CSF2RA: variants seen among roughly 807,000 people sequenced by gnomAD.
CSF2RA encodes colony stimulating factor 2 receptor subunit alpha, also known as granulocyte-macrophage colony-stimulating factor receptor subunit alpha.
A neutral mutation model predicts 51.6 loss-of-function variants in CSF2RA; 42 were observed. The ratio of observed to expected loss-of-function variants is 0.81; its 90% CI spans 0.64 to 1.05. The LOEUF is 1.05. Ranked by LOEUF, CSF2RA falls within the 50% of genes least tolerant of loss-of-function variation. The pLI, the probability that CSF2RA is intolerant of heterozygous loss-of-function variation, is 0.00. For synonymous variants in CSF2RA, 222 were observed against 193.0 expected (o/e 1.15, Z -1.24); for missense variants, 530 against 501.1 (o/e 1.06, Z -0.55).
intron 2 of CSF2RA, 85 bp downstream of exon 2, chrX:1,274,903 T>C (rs1217464638): frequency 8.9e-6 from 4 of 451,148 alleles, no homozygotes; most frequent in Non-Finnish European, 1.3e-5. Flanking sequence ...AATGTTTTGC[T>C]CCATAATGAT....
intron 2 of CSF2RA, among the ~76,000 whole-genome samples, chrX:1,278,718 T>C (rs1416050918): frequency 6.9e-6 from 1 of 145,460 alleles, no homozygotes; most frequent in African/African-American, 2.5e-5. Flanking sequence ...AGCAAGTTTA[T>C]TATGAAAGTA....
At chrX:1,314,254 GCCCAACCCCAC>G (rs2084324473), downstream of CSF2RA, among the ~76,000 whole-genome samples, 3 of 29,614 alleles carry the variant, frequency 1.0e-4, 1 homozygote, top group Admixed American at 1.1e-3. Context: ...CACTGCACCT[GCCCAACCCCAC>G]TGCGCCTGCC....
intron 9 of CSF2RA, among the ~76,000 whole-genome samples, chrX:1,299,286 C>G (rs1196021737): frequency 6.6e-6 from 1 of 152,102 alleles, no homozygotes; most frequent in Non-Finnish European, 1.5e-5. Context: ...GGGTATTTAC[C>G]AAGTCTCGCG....
intron 10 of CSF2RA, among the ~76,000 whole-genome samples, chrX:1,302,567 C>G (rs1413724846): frequency 6.6e-6 from 1 of 152,222 alleles, no homozygotes; most frequent in Admixed American, 6.6e-5. Context: ...TGCAATGGCA[C>G]GATCTCAGCT....
chrX:1,275,894 T>C (rs765948999), intron 2 of CSF2RA, among the ~76,000 whole-genome samples: 2 of 152,094 alleles, frequency 1.3e-5, no homozygotes, highest in East Asian at 3.9e-4. Context: ...GGTTTCACCA[T>C]GTTGGCCAGG....
At chrX:1,270,677 C>CAA (rs1161533598) in intron 1 of CSF2RA, among the ~76,000 whole-genome samples, 5 of 151,854 alleles carry the variant, frequency 3.3e-5, no homozygotes, top group Admixed American at 2.0e-4. Context: ...GTTCACATAT[C>CAA]TTGCGTCAGG....
intron 11 of CSF2RA, among the ~76,000 whole-genome samples, chrX:1,304,818 C>T (rs1251788278): frequency 2.0e-5 from 3 of 150,872 alleles, no homozygotes; most frequent in East Asian, 2.0e-4. Flanking sequence ...GCATGCACCA[C>T]GATGCTCACC....
chrX:1,287,490 C>A (rs2090869308), intron 4 of CSF2RA, among the ~76,000 whole-genome samples: 2 of 150,236 alleles, frequency 1.3e-5, no homozygotes, highest in South Asian at 4.2e-4. Flanking sequence ...GTCGCCCAGG[C>A]TGGAGTGCAC....
In CSF2RA at chrX:1,300,585, G is replaced by A. The variant is rs2092302153; in HGVS notation, c.905G>A (p.Arg302His). The A allele has an allele frequency of 4.3e-6, 7 of 1,613,894 alleles. No individual in the cohort carries two copies. The highest frequency in any genetic ancestry group is 2.2e-5 in the East Asian group (1 of 44,884). Reference protein sequence around the residue: ...HSVKIRAADVRILNWSSWSEA... With the variant: ...HSVKIRAADVHILNWSSWSEA... ...GTGAAGATCAGAGCTGCAGACGTCC[G>A]CATCTTGAATTGGAGCTCCTGGAGT... Residue 302 changes from arginine (R) to histidine (H), a missense_variant, in exon 10 of 13, where the codon CGC (arginine) becomes CAC (histidine). By Grantham distance (29) the Arg-to-His change is conservative. Coordinates refer to ENST00000381529, the MANE Select transcript of CSF2RA (RefSeq NM_172245.4).
rs778366446 is a variant in CSF2RA at position 1,305,649 on chromosome X, C to A, written c.1125+122C>A. 5 of 1,608,540 alleles carry A rather than the reference C, an allele frequency of 3.1e-6. No individual in the cohort carries two copies. The South Asian group carries it at 4.4e-5, about 14-fold the overall frequency. On this transcript the variant is annotated intron_variant, in intron 12 of 12. Transcript: ENST00000381529. The stretch of plus-strand genomic sequence containing the variant: ...CCAGATGGGACCGCAGCGTCACCAC[C>A]GGTGTGGCTGGAATCTGTATCCCAC...
At chrX:1,297,036 C>A (rs2092008573) in intron 9 of CSF2RA, among the ~76,000 whole-genome samples, 1 of 65,656 alleles carries the variant, frequency 1.5e-5, no homozygotes, top group Non-Finnish European at 2.9e-5. Context: ...CCTGGCGGAA[C>A]CCTACAGTCC....
At chrX:1,323,875 G>A in the CSF2RA span, among the ~76,000 whole-genome samples, 4 of 151,950 alleles carry the variant, frequency 2.6e-5, no homozygotes, top group African/African-American at 4.8e-5. Flanking sequence ...TTAGCCGGGC[G>A]TGGTGGTGGG....
At chrX:1,323,574 A>C in the CSF2RA span, among the ~76,000 whole-genome samples, 1 of 151,794 alleles carries the variant, frequency 6.6e-6, no homozygotes, top group African/African-American at 2.4e-5. Flanking sequence ...GCACCTCGAG[A>C]AGTGGGAAGA....
At chrX:1,303,203 A>T (rs1310651234) in intron 10 of CSF2RA, 1 of 280,908 alleles carries the variant, frequency 3.6e-6, no homozygotes, top group African/African-American at 2.3e-5. Context: ...GATTACAGAC[A>T]TGCATCATGC....
the CSF2RA span, among the ~76,000 whole-genome samples, chrX:1,324,203 C>G: frequency 1.4e-5 from 2 of 147,726 alleles, no homozygotes; most frequent in Non-Finnish European, 3.0e-5. Flanking sequence ...AAAACAAAAA[C>G]AAAACAGAGG....
intron 6 of CSF2RA, among the ~76,000 whole-genome samples, chrX:1,289,753 TTTTTG>T (rs2148400827): frequency 6.6e-6 from 1 of 151,812 alleles, no homozygotes; most frequent in East Asian, 1.9e-4. Flanking sequence ...TTTGTGTTTG[TTTTTG>T]TTTTGTGTTT....
the CSF2RA span, among the ~76,000 whole-genome samples, chrX:1,316,801 G>T: frequency 6.6e-6 from 1 of 152,232 alleles, no homozygotes; most frequent in African/African-American, 2.4e-5. Flanking sequence ...CTGTCTTCCT[G>T]TGTGGACACA....
chrX:1,282,780 G>GT lies in CSF2RA; in HGVS notation c.76+2dup, dbSNP rs1256737399. The GT allele has an allele frequency of 3.1e-6, 5 of 1,613,174 alleles. No homozygotes were observed. The highest frequency in any genetic ancestry group is 4.2e-6 in the Non-Finnish European group (5 of 1,179,368). On this transcript the variant is annotated splice_donor_variant, in intron 3 of 12. Coordinates refer to ENST00000381529, the MANE Select transcript of CSF2RA (RefSeq NM_172245.4). LOFTEE classifies it high-confidence loss of function. ...TTCCTCCTGATCCCAGAGAAATCGG[G>GT]TAAGTATGGAAACCTGGCTGAACCT... is the stretch of plus-strand genomic sequence containing the variant.
rs59502193 is a variant in CSF2RA, at chrX:1,275,088, CAA to C, written c.-27+286_-27+287del. Reference sequence around the variant, plus strand: ...AGGCAGAAGAGACGCATGAACCTGTCAAAAAAAAAAAAAAAAAGAGCCGGCCG... The same window carrying C: ...AGGCAGAAGAGACGCATGAACCTGTCAAAAAAAAAAAAAAAGAGCCGGCCG... On this transcript the variant is annotated intron_variant, in intron 2 of 12. Coordinates refer to ENST00000381529, the MANE Select transcript of CSF2RA (RefSeq NM_172245.4). Among the ~76,000 whole-genome samples the C allele has an allele frequency of 2.9e-3, 338 of 118,382 alleles. 2 individuals carry two copies. The highest frequency in any genetic ancestry group is 0.019 in the South Asian group (70 of 3,726). 77.7% of individuals were successfully genotyped at this position (118,382 alleles called of 152,430 possible). A position where few individuals can be genotyped will look rare whatever the true frequency, so the allele number is the denominator to read the frequency against.
Sources: allele counts gnomAD v4.1 joint callset (sites outside exome capture counted in the v4.1 genomes callset), GRCh38; gene constraint gnomAD v4.1.1; transcripts MANE v1.5; gene names NCBI Gene and HGNC (gene_info 2026-07-23, HGNC 2026-07-21).